Variants in HSF4 observed in about 807,000 individuals in gnomAD.
The protein encoded by HSF4 is heat shock factor protein 4.
In HSF4, 41 loss-of-function variants were observed where a neutral mutation model predicts 52.0. That is an observed-to-expected ratio of 0.79 (90% CI 0.61 to 1.02). HSF4 has a LOEUF of 1.02. Ranked by LOEUF, HSF4 falls within the 50% of genes least tolerant of loss-of-function variation. HSF4 has a pLI of 0.00. For missense variants in HSF4, 610 were observed against 651.1 expected, an observed-to-expected ratio of 0.94 and a Z score of 0.69; for synonymous variants, 285 against 273.0, an observed-to-expected ratio of 1.04 and a Z score of -0.43.
Position 67,167,143 on chromosome 16 carries a change from G to A in HSF4, c.650G>A (p.Ser217Asn), listed in dbSNP as rs745332860. The change falls in exon 7 of 13, where the codon AGC becomes AAC. Residue 217 changes from serine to asparagine, a missense_variant. Transcript: ENST00000521374. ...RKLSLMLDEG[S>N]SCPTPAKFNT... ...AGGTCCCTGATGCTGGATGAGGGGA[G>A]CTCATGCCCAACACCTGCCAAGTTC... 6.2e-7 allele frequency: 1 copy of A among 1,614,172 alleles called. No individual in the cohort carries two copies. Among genetic ancestry groups the A allele is most frequent in the Admixed American group, 1.7e-5 (1 of 60,028 alleles).
chr16:67,166,709 C>T, intron 6 of HSF4, 87 bp downstream of exon 6: 1 of 1,247,682 alleles, frequency 8.0e-7, no homozygotes, highest in Non-Finnish European at 1.2e-6. Flanking sequence ...TCTGGAAACT[C>T]CTTCACCGGG....
rs1597247174 is a variant in HSF4 at position 67,169,884 on chromosome 16, C to T, written c.*99C>T. On this transcript the variant is annotated 3_prime_UTR_variant, in exon 13 of 13. Coordinates refer to ENST00000521374, the MANE Select transcript of HSF4 (RefSeq NM_001374675.1). The surrounding 1 kb of genome is among the most constrained non-coding windows in gnomAD (Gnocchi z 4.3). ...TCGGGGGTGAGCGAAGCCCCCACTA[C>T]TAAATGGCCTCTCTCCACTACCCCG... 1 of 1,266,578 alleles carries T rather than the reference C, an allele frequency of 7.9e-7. No homozygotes were observed. Among genetic ancestry groups the T allele is most frequent in the Non-Finnish European group, 1.1e-6 (1 of 870,452 alleles). The allele number at this position is 1,266,578 out of a possible 1,614,324, so 78.5% of individuals were successfully genotyped here.
At chr16:67,166,430 A>C in intron 5 of HSF4, 35 bp downstream of exon 5, 1 of 1,588,484 alleles carries the variant, frequency 6.3e-7, no homozygotes, top group African/African-American at 1.4e-5. Flanking sequence ...TCTCCCTCCC[A>C]CTCCTCGACA....
At position 67,168,299 on chromosome 16, in the gene HSF4, C is replaced by G. The variant is rs2031450684; in HGVS notation, c.1082+352C>G. On this transcript the variant is annotated intron_variant, in intron 9 of 12. Transcript: ENST00000521374. The stretch of plus-strand genomic sequence containing the variant: ...CCAGCCTGGCCAACATGGTGAAACC[C>G]CCCGCCTCTGCTAAAAATACAAAAA... Among the ~76,000 whole-genome samples, 4 of 152,032 alleles carry G rather than the reference C, an allele frequency of 2.6e-5. 1 individual carries two copies. The South Asian group carries it at 8.3e-4, about 32-fold the overall frequency.
Position 67,165,986 on chromosome 16 carries a change from A to T in HSF4, c.401A>T (p.Glu134Val), listed in dbSNP as rs368518618. ...GGCGACGACGGCCGCTGGCGCCCGG[A>T]GGACCTGGGTCGACTACTGGGCGAG... ...LRGDDGRWRP[E>V]DLGRLLGEVQ... The change falls in exon 4 of 13, where the codon GAG becomes GTG. Residue 134 changes from glutamate (E) to valine (V), a missense_variant. By Grantham distance (121) the Glu-to-Val change is moderately radical. Transcript: ENST00000521374. This position sits in a 1 kb window ranked among gnomAD's most constrained non-coding sequence, Gnocchi z 6.9. 8 of 1,549,926 alleles carry T rather than the reference A, an allele frequency of 5.2e-6. No individual in the cohort carries two copies. Among genetic ancestry groups the T allele is most frequent in the Non-Finnish European group, 6.9e-6 (8 of 1,156,270 alleles).
At chr16:67,168,358 C>G (rs2031454292) in intron 9 of HSF4, among the ~76,000 whole-genome samples, 1 of 152,100 alleles carries the variant, frequency 6.6e-6, no homozygotes, top group Non-Finnish European at 1.5e-5. Flanking sequence ...CCTGTAGTCC[C>G]AGCTACTCAG....
intron 9 of HSF4, among the ~76,000 whole-genome samples, chr16:67,168,532 A>G (rs1159703935): frequency 1.4e-5 from 2 of 141,222 alleles, no homozygotes; most frequent in Non-Finnish European, 3.1e-5. Flanking sequence ...AAAGAAAGGA[A>G]GAAAGAAAGA....
chr16:67,167,688 C>T lies in HSF4; in HGVS notation c.855-32C>T, dbSNP rs770754310. Reference sequence around the variant, plus strand: ...TAGGGGTAGAGGGAGAAGTCAGTGCCAGGGTCTGGTTGAAGCTTTTCTCTG... The same window carrying T: ...TAGGGGTAGAGGGAGAAGTCAGTGCTAGGGTCTGGTTGAAGCTTTTCTCTG... On this transcript the variant is annotated intron_variant, in intron 8 of 12. Coordinates refer to ENST00000521374, the MANE Select transcript of HSF4 (RefSeq NM_001374675.1). 3.1e-6 allele frequency: 5 copies of T among 1,611,960 alleles called. No individual in the cohort carries two copies. In the South Asian group the frequency reaches 4.4e-5, roughly 14 times the overall value.
At position 67,167,100 on chromosome 16, in the gene HSF4, T is replaced by G; in HGVS notation, c.627-20T>G. The stretch of plus-strand genomic sequence containing the variant: ...GCTGACCCTGCCCCACCCCTGCCTG[T>G]GCCCTGATCGACCACACAGGTCCCT... On this transcript the variant is annotated intron_variant, in intron 6 of 12. Coordinates refer to ENST00000521374, the MANE Select transcript of HSF4 (RefSeq NM_001374675.1). 11 of 1,614,048 alleles carry G rather than the reference T, an allele frequency of 6.8e-6. No homozygotes were observed. Among genetic ancestry groups the G allele is most frequent in the Non-Finnish European group, 9.3e-6 (11 of 1,179,976 alleles).
Position 67,165,519 on chromosome 16 carries a change from TAGAG to T in HSF4, c.124-2_125del, listed in dbSNP as rs2031198410. 6.2e-7 allele frequency: 1 copy of T among 1,609,364 alleles called. No homozygotes were observed. The highest frequency in any genetic ancestry group is 1.3e-5 in the African/African-American group (1 of 74,678). On this transcript the variant is annotated splice_acceptor_variant and coding_sequence_variant, in exon 2 of 13. Transcript: ENST00000521374. LOFTEE classifies it high-confidence loss of function. The surrounding 1 kb of genome is among the most constrained non-coding windows in gnomAD (Gnocchi z 6.9). ...CACGGTGGGCGGGCGGCGTTCTTGG[TAGAG>T]CGGGACCAGTTTCCTCGTAAGCGAC...
At chr16:67,168,514 GAA>G (rs1240780851) in intron 9 of HSF4, among the ~76,000 whole-genome samples, 1 of 150,874 alleles carries the variant, frequency 6.6e-6, no homozygotes, top group African/African-American at 2.4e-5. Context: ...GAGAGAGAGA[GAA>G]AGAAAAAAGA....
chr16:67,167,837 G>A lies in HSF4; in HGVS notation c.972G>A (p.Leu324=). 6.2e-7 allele frequency: 1 copy of A among 1,604,240 alleles called. No homozygotes were observed. Among genetic ancestry groups the A allele is most frequent in the African/African-American group, 1.3e-5 (1 of 74,928 alleles). Residue 324 remains leucine, a synonymous_variant, in exon 9 of 13, where the codon CTG becomes CTA. Transcript: ENST00000521374. The part of the protein sequence containing the change: ...CDFCVTAPPP[L]PVAVVQAILE... The stretch of plus-strand genomic sequence containing the variant: ...TCTGCGTGACAGCCCCCCCGCCACT[G>A]CCTGTGGCTGTGGTGCAGGCCATCC...
chr16:67,164,852 C>T lies in HSF4; in HGVS notation c.41C>T (p.Pro14Leu). 1 of 1,605,534 alleles carries T rather than the reference C, an allele frequency of 6.2e-7. No individual in the cohort carries two copies. The highest frequency in any genetic ancestry group is 1.8e-4 in the Middle Eastern group (1 of 5,580). ...GCTGCGCTGCCCACGGAGCCAGGCCCCAGCCCCGTGCCTGCCTTCCTCGGC... is the reference window on the plus strand; with the variant it reads ...GCTGCGCTGCCCACGGAGCCAGGCCTCAGCCCCGTGCCTGCCTTCCTCGGC... ...APAALPTEPG[P>L]SPVPAFLGKL... Residue 14 changes from proline (P) to leucine (L), a missense_variant, in exon 1 of 13, where the codon CCC becomes CTC. Pro to Leu is a moderately conservative substitution (Grantham distance 98, BLOSUM62 -3). Coordinates refer to ENST00000521374, the MANE Select transcript of HSF4 (RefSeq NM_001374675.1).
Position 67,169,026 on chromosome 16 carries a change from C to G in HSF4, c.1189-10C>G. ...TGGGGAGGGCACCACTGACCCAGAG[C>G]TCTCCTCAGGTGCTGGGCCCCAGTC... On this transcript the variant is annotated splice_polypyrimidine_tract_variant and intron_variant, in intron 10 of 12. Transcript: ENST00000521374. The surrounding 1 kb of genome is among the most constrained non-coding windows in gnomAD (Gnocchi z 4.3). The G allele has an allele frequency of 3.1e-6, 5 of 1,614,002 alleles. No homozygotes were observed. The highest frequency in any genetic ancestry group is 4.2e-6 in the Non-Finnish European group (5 of 1,180,002).
chr16:67,165,682 G>T lies in HSF4; in HGVS notation c.233-37G>T, dbSNP rs370554458. On this transcript the variant is annotated intron_variant, in intron 2 of 12. Coordinates refer to ENST00000521374, the MANE Select transcript of HSF4 (RefSeq NM_001374675.1). The surrounding 1 kb of genome is among the most constrained non-coding windows in gnomAD (Gnocchi z 6.9). Reference sequence around the variant, plus strand: ...CGGGGATGGGGGACTCGGTGCCGGGGATGGGGCGACCCACGCCCCCACGCC... The same window carrying T: ...CGGGGATGGGGGACTCGGTGCCGGGTATGGGGCGACCCACGCCCCCACGCC... 9.2e-5 allele frequency: 148 copies of T among 1,612,076 alleles called. No homozygotes were observed. Among genetic ancestry groups the T allele is most frequent in the Non-Finnish European group, 1.1e-4 (135 of 1,179,826 alleles).
intron 4 of HSF4, 115 bp from the exon 5 acceptor site, chr16:67,166,205 T>C: frequency 7.3e-7 from 1 of 1,369,242 alleles, no homozygotes; most frequent in Non-Finnish European, 1.0e-6. Flanking sequence ...ATGGGCGATC[T>C]CTGGGATGGC....
intron 9 of HSF4, among the ~76,000 whole-genome samples, chr16:67,168,339 T>C (rs2031453289): frequency 6.6e-6 from 1 of 152,072 alleles, no homozygotes; most frequent in Non-Finnish European, 1.5e-5. Flanking sequence ...CTGGGTGTGG[T>C]GGCGTTTGCC....
chr16:67,167,777 G>C lies in HSF4; in HGVS notation c.912G>C (p.Glu304Asp), dbSNP rs748418013. 6.2e-7 allele frequency: 1 copy of C among 1,601,360 alleles called. No individual in the cohort carries two copies. The highest frequency in any genetic ancestry group is 8.5e-7 in the Non-Finnish European group (1 of 1,174,480). The change falls in exon 9 of 13, where the codon GAG becomes GAC. Residue 304 changes from glutamate (E) to aspartate (D), a missense_variant. By Grantham distance (45) the Glu-to-Asp change is conservative. Transcript: ENST00000521374. Reference protein sequence around the residue: ...EEPASPGGDGEAGLALAPNEC... With the variant: ...EEPASPGGDGDAGLALAPNEC... ...CGGCCAGTCCAGGGGGGGATGGCGAGGCCGGGCTGGCCCTGGCCCCAAACG... is the reference window on the plus strand; with the variant it reads ...CGGCCAGTCCAGGGGGGGATGGCGACGCCGGGCTGGCCCTGGCCCCAAACG...
Position 67,169,324 on chromosome 16 carries a change from A to G in HSF4, c.1300A>G (p.Lys434Glu), listed in dbSNP as rs2031569692. 6.2e-7 allele frequency: 1 copy of G among 1,613,544 alleles called. No homozygotes were observed. Among genetic ancestry groups the G allele is most frequent in the African/African-American group, 1.3e-5 (1 of 74,918 alleles). ...PERGEPELAV[K>E]GLNSPSPGKD... ...GCGGGGTGAGCCTGAGCTGGCGGTC[A>G]AGGGGTTAAATTCTCCAAGCCCAGG... is the stretch of plus-strand genomic sequence containing the variant. Residue 434 changes from lysine to glutamate, a missense_variant, in exon 12 of 13, where the codon AAG becomes GAG. Physicochemically the swap from Lys to Glu is moderately conservative, Grantham distance 56. Transcript: ENST00000521374. This position sits in a 1 kb window ranked among gnomAD's most constrained non-coding sequence, Gnocchi z 4.3.
Sources: allele counts gnomAD v4.1 joint callset (sites outside exome capture counted in the v4.1 genomes callset), GRCh38; gene constraint gnomAD v4.1.1; non-coding constraint Gnocchi (gnomAD v3.1); transcripts MANE v1.5; gene names NCBI Gene and HGNC (gene_info 2026-07-23, HGNC 2026-07-21).